Variants in IFT122 observed in about 807,000 individuals in gnomAD.
The protein encoded by IFT122 is intraflagellar transport protein 122 homolog.
In IFT122, 118 loss-of-function variants were observed where a neutral mutation model predicts 161.6. The observed-to-expected ratio is 0.73, with a 90% CI of 0.63 to 0.85. IFT122 has a LOEUF of 0.85. IFT122 is among the 40% of genes least tolerant of loss of function. The pLI, the probability that IFT122 is intolerant of heterozygous loss-of-function variation, is 0.00. For synonymous variants in IFT122, 550 were observed against 602.4 expected (o/e 0.91, Z 1.27); for missense variants, 1,381 against 1,579.6 (o/e 0.87, Z 2.13).
intron 7 of IFT122, among the ~76,000 whole-genome samples, chr3:129,465,954 G>A (rs1394083116): frequency 1.3e-5 from 2 of 150,978 alleles, no homozygotes; most frequent in Non-Finnish European, 3.0e-5. Flanking sequence ...CTAATTTTTT[G>A]TTGCCACCAC....
At chr3:129,495,360 C>T (rs2080710554) in intron 17 of IFT122, 86 bp from the exon 18 acceptor site, 1 of 1,558,738 alleles carries the variant, frequency 6.4e-7, no homozygotes, top group Non-Finnish European at 8.7e-7. Context: ...AGGGGCCTCA[C>T]TTGAAATAGC....
intron 9 of IFT122, chr3:129,476,011 C>G (rs998161006): frequency 2.7e-5 from 12 of 444,722 alleles, no homozygotes; most frequent in African/African-American, 2.2e-4. Context: ...ACAAAACCAC[C>G]CACAGTCTCC....
chr3:129,459,908 C>G (rs898251549), intron 4 of IFT122, among the ~76,000 whole-genome samples: 1 of 151,806 alleles, frequency 6.6e-6, no homozygotes, highest in African/African-American at 2.4e-5. Flanking sequence ...TGCACACCCC[C>G]ACACCAGGCC....
intron 1 of IFT122, among the ~76,000 whole-genome samples, chr3:129,445,328 A>C (rs1163862686): frequency 6.6e-6 from 1 of 152,110 alleles, no homozygotes; most frequent in Non-Finnish European, 1.5e-5. Context: ...TCCACCTCAA[A>C]AAAAACAAAA....
intron 5 of IFT122, among the ~76,000 whole-genome samples, chr3:129,462,425 C>G (rs2076297129): frequency 6.6e-6 from 1 of 152,214 alleles, no homozygotes; most frequent in East Asian, 1.9e-4. Flanking sequence ...GTATTATTCT[C>G]ATTCCCACCC....
At position 129,512,359 on chromosome 3, in the gene IFT122, C is replaced by T. The variant is rs755417739; in HGVS notation, c.2934C>T (p.Ser978=). The stretch of plus-strand genomic sequence containing the variant: ...GTCCTGAAACTCTTTTCAACATCTC[C>T]AGGTTCCTGCTGCACAGCCTGCCCA... The part of the protein sequence containing the change: ...VHRPETLFNI[S]RFLLHSLPKD... Residue 978 remains serine, a synonymous_variant, in exon 24 of 30, where the codon TCC becomes TCT. Coordinates refer to ENST00000348417, the MANE Select transcript of IFT122 (RefSeq NM_052989.3). The T allele has an allele frequency of 3.7e-6, 6 of 1,614,170 alleles. No individual in the cohort carries two copies. In the South Asian group the frequency reaches 5.5e-5, roughly 15 times the overall value.
chr3:129,456,263 T>C (rs1277980667), intron 3 of IFT122: 15 of 1,265,640 alleles, frequency 1.2e-5, no homozygotes, highest in Non-Finnish European at 5.1e-6. Context: ...GTGATGGAAA[T>C]AGTAAGAGCA....
intron 7 of IFT122, among the ~76,000 whole-genome samples, chr3:129,465,263 G>A (rs991234323): frequency 2.0e-5 from 3 of 151,592 alleles, no homozygotes; most frequent in Non-Finnish European, 4.4e-5. Flanking sequence ...TTCCCTCCAA[G>A]TTTGGGCAGA....
intron 8 of IFT122, among the ~76,000 whole-genome samples, chr3:129,468,030 A>T (rs960613369): frequency 6.6e-6 from 1 of 152,244 alleles, no homozygotes; most frequent in Admixed American, 6.5e-5. Flanking sequence ...CCTCCCCAAG[A>T]GGGCTCACTG....
intron 25 of IFT122, chr3:129,514,896 C>T: frequency 2.2e-6 from 1 of 445,838 alleles, no homozygotes; most frequent in Non-Finnish European, 4.2e-6. Context: ...GACTCTTACT[C>T]TAGAAACCTC....
At chr3:129,460,552 G>A (rs187879408) in intron 4 of IFT122, among the ~76,000 whole-genome samples, 1 of 152,084 alleles carries the variant, frequency 6.6e-6, no homozygotes, top group East Asian at 1.9e-4. Context: ...GAGCCACTGG[G>A]CTCAGCTTCC....
chr3:129,449,731 C>A, intron 1 of IFT122, 140 bp from the exon 2 acceptor site: 1 of 704,272 alleles, frequency 1.4e-6, no homozygotes, highest in Non-Finnish European at 2.6e-6. Context: ...GAATTTGCAA[C>A]AAATGCAATT....
intron 3 of IFT122, 100 bp downstream of exon 3, chr3:129,452,098 A>T (rs2074926044): frequency 1.1e-6 from 1 of 914,236 alleles, no homozygotes; most frequent in African/African-American, 1.6e-5. Flanking sequence ...GCTGGAGTAC[A>T]AGTTGCAAGT....
chr3:129,495,450 G>T lies in IFT122; in HGVS notation c.2051G>T (p.Arg684Met). The change falls in exon 18 of 30, where the codon AGG becomes ATG. Residue 684 changes from arginine (R) to methionine (M), a missense_variant. By Grantham distance (91) the Arg-to-Met change is moderately conservative (BLOSUM62 -1). Around this residue, in one of 7 missense-constraint regions of IFT122, gnomAD observed 496 missense variants for 502.5 expected, o/e 0.99. Coordinates refer to ENST00000348417, the MANE Select transcript of IFT122 (RefSeq NM_052989.3). Reference protein sequence around the residue: ...YLELISSIEERKKRGETNNDL... With the variant: ...YLELISSIEEMKKRGETNNDL... ...CTTTGCTTCTAATTTTTCCAGGAGA[G>T]GAAGAAGCGGGGAGAGACCAACAAT... is the stretch of plus-strand genomic sequence containing the variant. 1 of 1,614,096 alleles carries T rather than the reference G, an allele frequency of 6.2e-7. No individual in the cohort carries two copies. Among genetic ancestry groups the T allele is most frequent in the South Asian group, 1.1e-5 (1 of 91,076 alleles).
In IFT122 at chr3:129,478,054, A is replaced by G. The variant is rs1459271322; in HGVS notation, c.1186A>G (p.Ile396Val). ...CAAAGAGCTTGTCAAGAAGATTGCCATCTACAGAAATCGATTGGCTATCCA... is the reference window on the plus strand; with the variant it reads ...CAAAGAGCTTGTCAAGAAGATTGCCGTCTACAGAAATCGATTGGCTATCCA... The part of the protein sequence containing the change: ...KCKELVKKIA[I>V]YRNRLAIQLP... The change falls in exon 12 of 30, where the codon ATC (isoleucine) becomes GTC (valine). Residue 396 changes from isoleucine to valine, a missense_variant. Ile to Val is a conservative substitution (Grantham distance 29, BLOSUM62 3). This residue lies in a region of IFT122 where 544 missense variants were observed against 648.0 expected (regional missense o/e 0.84). Transcript: ENST00000348417. The G allele has an allele frequency of 1.9e-6, 3 of 1,614,232 alleles. No homozygotes were observed. The highest frequency in any genetic ancestry group is 1.1e-5 in the South Asian group (1 of 91,086).
intron 7 of IFT122, 110 bp downstream of exon 7, chr3:129,464,891 C>G (rs972240681): frequency 8.2e-7 from 1 of 1,221,262 alleles, no homozygotes; most frequent in Non-Finnish European, 1.2e-6. Flanking sequence ...CTTGAATGGT[C>G]TGTTTTAGAA....
chr3:129,478,918 AT>A (rs977719282), intron 12 of IFT122, among the ~76,000 whole-genome samples: 2 of 152,090 alleles, frequency 1.3e-5, no homozygotes, highest in Non-Finnish European at 2.9e-5. Context: ...TTCCTGAAAG[AT>A]TTTTTTTCAT....
intron 18 of IFT122, among the ~76,000 whole-genome samples, chr3:129,498,428 A>C (rs1194417644): frequency 1.3e-5 from 2 of 152,214 alleles, no homozygotes; most frequent in African/African-American, 4.8e-5. Flanking sequence ...GCCAGAAGGA[A>C]AGGTGTGTCT....
chr3:129,499,248 A>T (rs1367289967), intron 18 of IFT122, among the ~76,000 whole-genome samples: 2 of 152,242 alleles, frequency 1.3e-5, no homozygotes, highest in African/African-American at 4.8e-5. Flanking sequence ...TTTGCTTGTT[A>T]TCTGTTCCAG....
Sources: allele counts gnomAD v4.1 joint callset (sites outside exome capture counted in the v4.1 genomes callset), GRCh38; gene constraint gnomAD v4.1.1; regional missense constraint gnomAD v4.1.1; transcripts MANE v1.5; gene names NCBI Gene and HGNC (gene_info 2026-07-23, HGNC 2026-07-21).